POU6F2: variants seen among roughly 807,000 people sequenced by gnomAD.
POU6F2 encodes POU class 6 homeobox 2.
POU6F2 carries 31 observed loss-of-function variants against 71.3 expected under a neutral mutation model. The observed-to-expected ratio is 0.43, with a 90% confidence interval of 0.33 to 0.59. The LOEUF (loss-of-function observed/expected upper bound fraction) is 0.59, where lower values mean the gene tolerates loss of function less well. Among genes scored for constraint, POU6F2 ranks in the 20% least tolerant of loss-of-function variants. The probability of loss-of-function intolerance (pLI) is 0.04; values close to 1 mark genes in which losing one functional copy is unlikely to be tolerated. For synonymous variants in POU6F2, 347 were observed against 355.7 expected, an observed-to-expected ratio of 0.98 and a Z score of 0.27; for missense variants, 783 against 856.8, an observed-to-expected ratio of 0.91 and a Z score of 1.07.
At chr7:39,250,361 GCTGGCC>G (rs1783892838) in intron 4 of POU6F2, among the ~76,000 whole-genome samples, 1 of 152,092 alleles carries the variant, frequency 6.6e-6, no homozygotes, top group Admixed American at 6.6e-5. Flanking sequence ...CTTTTGTGTC[GCTGGCC>G]CTAGAGACTA....
intron 4 of POU6F2, among the ~76,000 whole-genome samples, chr7:39,278,006 A>G (rs1312205843): frequency 1.3e-5 from 2 of 149,662 alleles, no homozygotes; most frequent in Non-Finnish European, 3.0e-5. Flanking sequence ...GCAGGGAGGC[A>G]GAGGTTGCAG....
chr7:39,049,907 C>T (rs1255906896), intron 1 of POU6F2, among the ~76,000 whole-genome samples: 1 of 151,932 alleles, frequency 6.6e-6, no homozygotes, highest in African/African-American at 2.4e-5. Context: ...TGAGGACACT[C>T]AGAGAAATGT....
chr7:39,201,746 A>ATT (rs1793908316), intron 2 of POU6F2, among the ~76,000 whole-genome samples: 1 of 152,170 alleles, frequency 6.6e-6, no homozygotes, highest in African/African-American at 2.4e-5. Context: ...CCAATGTCAA[A>ATT]TTCTCTGCAA....
chr7:39,042,062 G>C (rs1033740680), intron 1 of POU6F2, among the ~76,000 whole-genome samples: 1 of 152,066 alleles, frequency 6.6e-6, no homozygotes, highest in East Asian at 1.9e-4. Flanking sequence ...GAATGGGCAG[G>C]AGAGCATGTG....
rs543135458 is a variant in POU6F2, at chr7:39,457,518, A to C, written c.1490-3029A>C. Among the ~76,000 whole-genome samples, 229 of 152,138 alleles carry C rather than the reference A, an allele frequency of 1.5e-3. 1 individual carries two copies. Among genetic ancestry groups the C allele is most frequent in the Non-Finnish European group, 2.9e-3 (196 of 68,018 alleles). On this transcript the variant is annotated intron_variant, in intron 8 of 9. Coordinates refer to ENST00000518318, the MANE Select transcript of POU6F2 (RefSeq NM_001370959.1). Reference sequence around the variant, plus strand: ...CCCGTCAGTCCTATACAGGTGAGAGAGCAAGTTTTCTGTGTAGTGAAGCCT... The same window carrying C: ...CCCGTCAGTCCTATACAGGTGAGAGCGCAAGTTTTCTGTGTAGTGAAGCCT...
chr7:39,375,462 G>A (rs745624181), intron 5 of POU6F2, among the ~76,000 whole-genome samples: 2 of 152,004 alleles, frequency 1.3e-5, no homozygotes, highest in Non-Finnish European at 2.9e-5. Context: ...CCCTGAAGCC[G>A]TGGGAGTCCT....
intron 2 of POU6F2, among the ~76,000 whole-genome samples, chr7:39,107,468 G>C (rs1791714891): frequency 6.6e-6 from 1 of 152,130 alleles, no homozygotes; most frequent in Non-Finnish European, 1.5e-5. Context: ...AAAGTATGAT[G>C]AGAAAAATAT....
intron 8 of POU6F2, among the ~76,000 whole-genome samples, chr7:39,454,955 C>T (rs1179822278): frequency 6.6e-6 from 1 of 151,504 alleles, no homozygotes; most frequent in Non-Finnish European, 1.5e-5. Context: ...TGTTCATATG[C>T]AAAGAAAGCA....
At chr7:39,453,808 C>T (rs779282966) in intron 8 of POU6F2, among the ~76,000 whole-genome samples, 2 of 152,124 alleles carry the variant, frequency 1.3e-5, no homozygotes, top group African/African-American at 2.4e-5. Context: ...AATATATAGA[C>T]GTGGGAAAGA....
chr7:39,047,361 A>G (rs1268375373), intron 1 of POU6F2, among the ~76,000 whole-genome samples: 2 of 151,888 alleles, frequency 1.3e-5, no homozygotes, highest in Non-Finnish European at 2.9e-5. Flanking sequence ...ATATGTCTCC[A>G]CTTATTTCTT....
At chr7:39,016,165 T>TCTATATTATATATAGATATAA (rs1562671487) in intron 1 of POU6F2, among the ~76,000 whole-genome samples, 2 of 61,862 alleles carry the variant, frequency 3.2e-5, no homozygotes, top group Admixed American at 3.7e-4. Context: ...AGATATAATA[T>TCTATATTATATATAGATATAA]TATGTATAGA....
At chr7:39,297,764 G>C (rs1413186010) in intron 4 of POU6F2, among the ~76,000 whole-genome samples, 1 of 148,300 alleles carries the variant, frequency 6.7e-6, no homozygotes, top group Non-Finnish European at 1.5e-5. Context: ...ATATTACAAG[G>C]CTACAGTAAC....
chr7:39,185,272 G>A (rs1204085831), intron 2 of POU6F2, among the ~76,000 whole-genome samples: 6 of 152,208 alleles, frequency 3.9e-5, no homozygotes, highest in South Asian at 4.2e-4. Flanking sequence ...GTCCAGTGAC[G>A]ATATACAGCA....
Position 39,191,170 on chromosome 7 carries a change from C to A in POU6F2, c.278-13065C>A, listed in dbSNP as rs1032442171. Among the ~76,000 whole-genome samples, 2 of 152,234 alleles carry A rather than the reference C, an allele frequency of 1.3e-5. 1 individual carries two copies. Among genetic ancestry groups the A allele is most frequent in the South Asian group, 4.1e-4 (2 of 4,830 alleles). On this transcript the variant is annotated intron_variant, in intron 2 of 9. Transcript: ENST00000518318. ...TTTAACCAACACTTTAATAAGGCATCTTAAAAGGAAGATTTGGGGATGCAA... is the reference window on the plus strand; with the variant it reads ...TTTAACCAACACTTTAATAAGGCATATTAAAAGGAAGATTTGGGGATGCAA...
chr7:39,007,507 T>G (rs1240237195), intron 1 of POU6F2, among the ~76,000 whole-genome samples: 1 of 152,222 alleles, frequency 6.6e-6, no homozygotes, highest in Non-Finnish European at 1.5e-5. Flanking sequence ...TCTAATTGCT[T>G]CTTTTAAATT....
At chr7:39,151,112 C>T (rs1309862637) in intron 2 of POU6F2, among the ~76,000 whole-genome samples, 1 of 151,976 alleles carries the variant, frequency 6.6e-6, no homozygotes, top group African/African-American at 2.4e-5. Flanking sequence ...AAGTTTTCAT[C>T]GTGATTCCAA....
In POU6F2 at chr7:39,147,940, A is replaced by C. The variant is rs118001285; in HGVS notation, c.278-56295A>C. Among the ~76,000 whole-genome samples, 206 of 152,314 alleles carry C rather than the reference A, an allele frequency of 1.4e-3. 3 individuals are homozygous for C. In the South Asian group the frequency reaches 0.023, roughly 17 times the overall value. On this transcript the variant is annotated intron_variant, in intron 2 of 9. Transcript: ENST00000518318. ...ATACACACTCATGCACACTCTCCAA[A>C]TCTTCTAAAGTAGTTTTTAAATACT...
intron 2 of POU6F2, among the ~76,000 whole-genome samples, chr7:39,137,098 A>G (rs1469348009): frequency 6.6e-6 from 1 of 152,140 alleles, no homozygotes; most frequent in Admixed American, 6.6e-5. Context: ...CTTAAATATT[A>G]ACTATAATTT....
chr7:38,994,783 G>T (rs1788692870), intron 1 of POU6F2, among the ~76,000 whole-genome samples: 1 of 150,542 alleles, frequency 6.6e-6, no homozygotes, highest in Non-Finnish European at 1.5e-5. Flanking sequence ...CACTCCTTCA[G>T]TTCCCATTCC....
Sources: allele counts gnomAD v4.1 joint callset (sites outside exome capture counted in the v4.1 genomes callset), GRCh38; gene constraint gnomAD v4.1.1; transcripts MANE v1.5; gene names NCBI Gene and HGNC (gene_info 2026-07-23, HGNC 2026-07-21).